The following TAF1B variants were observed in gnomAD, a reference collection of about 807,000 sequenced individuals.
TAF1B encodes TATA-box binding protein associated factor, RNA polymerase I subunit B.
In TAF1B, 61 loss-of-function variants were observed where a neutral mutation model predicts 83.9. That is an observed-to-expected ratio of 0.73 (90% CI 0.59 to 0.90). The LOEUF is 0.90. Among genes scored for constraint, TAF1B ranks in the 40% least tolerant of loss-of-function variants. TAF1B has a pLI of 0.00. For synonymous variants in TAF1B, 221 were observed against 224.6 expected (o/e 0.98, Z 0.14); for missense variants, 625 against 677.0 (o/e 0.92, Z 0.85).
At chr2:9,859,048 G>C (rs1252187147) in intron 5 of TAF1B, among the ~76,000 whole-genome samples, 2 of 152,012 alleles carry the variant, frequency 1.3e-5, no homozygotes, top group Non-Finnish European at 2.9e-5. Flanking sequence ...TTTTTACCTT[G>C]TCGTCCTGCT....
intron 8 of TAF1B, among the ~76,000 whole-genome samples, chr2:9,898,318 A>G (rs1665079843): frequency 6.6e-6 from 1 of 152,206 alleles, no homozygotes. Flanking sequence ...AGCATCTTGC[A>G]AGTGATTCTG....
intron 6 of TAF1B, among the ~76,000 whole-genome samples, chr2:9,869,663 G>A (rs1664104746): frequency 6.6e-6 from 1 of 151,496 alleles, no homozygotes; most frequent in South Asian, 2.1e-4. Context: ...ATCACTTGAG[G>A]TCAGGAGTTT....
chr2:9,895,257 T>C (rs530319111), intron 8 of TAF1B, among the ~76,000 whole-genome samples: 1 of 152,240 alleles, frequency 6.6e-6, no homozygotes, highest in African/African-American at 2.4e-5. Context: ...CCCAGCACTT[T>C]GGGAAGCTGA....
At chr2:9,859,890 C>T (rs1663695799) in intron 5 of TAF1B, among the ~76,000 whole-genome samples, 1 of 152,136 alleles carries the variant, frequency 6.6e-6, no homozygotes, top group Admixed American at 6.5e-5. Flanking sequence ...TGTTTCCACA[C>T]TACTATGAAG....
At chr2:9,866,781 T>G (rs1020719560) in intron 5 of TAF1B, among the ~76,000 whole-genome samples, 12 of 152,180 alleles carry the variant, frequency 7.9e-5, no homozygotes, top group African/African-American at 2.4e-4. Flanking sequence ...TTCATGTCCT[T>G]TGTAGGGACA....
At chr2:9,852,840 G>A (rs1205957352) in intron 4 of TAF1B, among the ~76,000 whole-genome samples, 1 of 152,152 alleles carries the variant, frequency 6.6e-6, no homozygotes, top group Non-Finnish European at 1.5e-5. Context: ...AGATCAACAT[G>A]GGCTGCAGTC....
intron 8 of TAF1B, among the ~76,000 whole-genome samples, chr2:9,901,457 G>C (rs767404373): frequency 1.3e-5 from 2 of 152,246 alleles, no homozygotes; most frequent in Admixed American, 6.5e-5. Flanking sequence ...TGGAAGTTTT[G>C]AAAAGATGCT....
chr2:9,888,800 T>TTGTG (rs1558251740), intron 8 of TAF1B, among the ~76,000 whole-genome samples: 2 of 141,660 alleles, frequency 1.4e-5, no homozygotes, highest in Non-Finnish European at 3.0e-5. Flanking sequence ...GTTTTTTTTT[T>TTGTG]TTTTTTTTTT....
At chr2:9,859,412 A>G (rs1338469723) in intron 5 of TAF1B, among the ~76,000 whole-genome samples, 11 of 138,764 alleles carry the variant, frequency 7.9e-5, no homozygotes, top group Middle Eastern at 4.0e-3. Flanking sequence ...TTTGAGATAG[A>G]GTGTTGCTTT....
At chr2:9,852,102 T>C in intron 4 of TAF1B, 1 of 463,010 alleles carries the variant, frequency 2.2e-6, no homozygotes, top group Non-Finnish European at 4.5e-6. Flanking sequence ...CCTGAGTGCA[T>C]CAGAATCACC....
intron 1 of TAF1B, chr2:9,844,365 C>G (rs1663132306): frequency 6.6e-6 from 1 of 151,818 alleles, no homozygotes; most frequent in Admixed American, 6.6e-5. Context: ...GCTATGTTGT[C>G]CAGACTGGTA....
At chr2:9,878,838 A>G (rs1188394489) in intron 7 of TAF1B, among the ~76,000 whole-genome samples, 1 of 152,224 alleles carries the variant, frequency 6.6e-6, no homozygotes, top group Non-Finnish European at 1.5e-5. Flanking sequence ...GGCAAAAACC[A>G]CAATTACTTT....
intron 14 of TAF1B, among the ~76,000 whole-genome samples, chr2:9,921,909 T>TA (rs1197009657): frequency 6.6e-6 from 1 of 152,228 alleles, no homozygotes; most frequent in Non-Finnish European, 1.5e-5. Flanking sequence ...ACTTTGAAGT[T>TA]ACTTTACCTT....
At position 9,934,099 on chromosome 2, in the gene TAF1B, G is replaced by T; in HGVS notation, c.*115G>T. 1 of 814,882 alleles carries T rather than the reference G, an allele frequency of 1.2e-6. No homozygotes were observed. The highest frequency in any genetic ancestry group is 1.9e-6 in the Non-Finnish European group (1 of 528,872). 50.5% of individuals were successfully genotyped at this position (814,882 alleles called of 1,614,324 possible). On this transcript the variant is annotated 3_prime_UTR_variant, in exon 15 of 15. Coordinates refer to ENST00000263663, the MANE Select transcript of TAF1B (RefSeq NM_005680.3). ...TACTGCATATATATGTATAGACTCT[G>T]ACACATATTTACATATATATCAAGT...
intron 14 of TAF1B, among the ~76,000 whole-genome samples, chr2:9,922,046 C>T (rs1291862407): frequency 6.6e-6 from 1 of 152,184 alleles, no homozygotes; most frequent in African/African-American, 2.4e-5. Flanking sequence ...AAAGTAATCT[C>T]ATCCCCATAT....
chr2:9,878,132 A>T (rs1664380114), intron 7 of TAF1B, among the ~76,000 whole-genome samples: 1 of 151,690 alleles, frequency 6.6e-6, no homozygotes, highest in East Asian at 1.9e-4. Context: ...GAATTCTTAG[A>T]CCTATCCTAC....
chr2:9,920,134 C>T (rs1468466088), intron 14 of TAF1B, among the ~76,000 whole-genome samples: 2 of 152,128 alleles, frequency 1.3e-5, no homozygotes, highest in African/African-American at 4.8e-5. Context: ...GAGTCAGTTA[C>T]CTTTATCATG....
intron 11 of TAF1B, 28 bp downstream of exon 11, chr2:9,911,585 C>G: frequency 6.9e-7 from 1 of 1,452,458 alleles, no homozygotes. Context: ...CATTCAAATT[C>G]AAAGTGGTTA....
Position 9,851,565 on chromosome 2 carries a change from G to T in TAF1B, c.230G>T (p.Cys77Phe), listed in dbSNP as rs764838666. ...GAAAAAGGCTGGGATTGGTATGTGT[G>T]TGAAGGTTTCCAGTATATTCTTTAT... ...NTEKGWDWYV[C>F]EGFQYILYQQ... The change falls in exon 4 of 15, where the codon TGT (cysteine) becomes TTT (phenylalanine). Residue 77 changes from cysteine to phenylalanine, a missense_variant. By Grantham distance (205) the Cys-to-Phe change is radical. Transcript: ENST00000263663. 4.3e-6 allele frequency: 7 copies of T among 1,612,064 alleles called. No individual in the cohort carries two copies.
Sources: gnomAD v4.1 joint callset for allele counts (sites outside exome capture counted in the v4.1 genomes callset) on GRCh38, gnomAD v4.1.1 for gene constraint, MANE v1.5 for transcripts, NCBI Gene and HGNC (gene_info 2026-07-23, HGNC 2026-07-21) for gene names.